The following CDS1 variants were observed in gnomAD, a reference collection of about 807,000 sequenced individuals.
CDS1 encodes the protein CDP-diacylglycerol synthase 1.
CDS1 carries 41 observed loss-of-function variants against 62.1 expected under a neutral mutation model. The observed-to-expected ratio is 0.66, with a 90% confidence interval of 0.51 to 0.86. CDS1 has a LOEUF of 0.86. Among genes scored for constraint, CDS1 ranks in the 40% least tolerant of loss-of-function variants. The probability of loss-of-function intolerance (pLI) is 0.00; values close to 1 mark genes in which losing one functional copy is unlikely to be tolerated. For synonymous variants in CDS1, 185 were observed against 192.6 expected, an observed-to-expected ratio of 0.96 and a Z score of 0.32; for missense variants, 470 against 550.1, an observed-to-expected ratio of 0.85 and a Z score of 1.46.
intron 1 of CDS1, among the ~76,000 whole-genome samples, chr4:84,590,590 A>T (rs1331685306): frequency 6.6e-6 from 1 of 152,186 alleles, no homozygotes; most frequent in Non-Finnish European, 1.5e-5. Context: ...CATCCTAAGG[A>T]AGAAGCTGAG....
At chr4:84,644,351 T>C (rs1167308482) in intron 11 of CDS1, among the ~76,000 whole-genome samples, 1 of 152,182 alleles carries the variant, frequency 6.6e-6, no homozygotes, top group Non-Finnish European at 1.5e-5. Context: ...TGTGGCTCTT[T>C]TATGCTTTGA....
At chr4:84,614,705 G>C (rs1042128047) in intron 3 of CDS1, among the ~76,000 whole-genome samples, 1 of 152,064 alleles carries the variant, frequency 6.6e-6, no homozygotes, top group African/African-American at 2.4e-5. Context: ...TCTATGCAAA[G>C]CATTTTATTT....
rs146624326 is a variant in CDS1, at chr4:84,611,377, A to G, written c.342+1852A>G. Among the ~76,000 whole-genome samples the G allele has an allele frequency of 5.3e-3, 812 of 151,794 alleles. 23 individuals are homozygous for G. Among genetic ancestry groups the G allele is most frequent in the Admixed American group, 0.041 (618 of 15,234 alleles). ...TAATCCAGGTTCTTCTTATGTACTCATCTCCTTCATCTCTGATTTCTCTTG... is the reference window on the plus strand; with the variant it reads ...TAATCCAGGTTCTTCTTATGTACTCGTCTCCTTCATCTCTGATTTCTCTTG... On this transcript the variant is annotated intron_variant, in intron 3 of 12. Transcript: ENST00000295887.
chr4:84,609,315 G>T, intron 2 of CDS1, 114 bp from the exon 3 acceptor site: 15 of 615,494 alleles, frequency 2.4e-5, no homozygotes, highest in Non-Finnish European at 4.3e-5. Flanking sequence ...TATATAAAGT[G>T]AAGTAGTAGA....
chr4:84,602,889 A>G (rs1722981145), intron 1 of CDS1, among the ~76,000 whole-genome samples: 1 of 151,596 alleles, frequency 6.6e-6, no homozygotes, highest in African/African-American at 2.4e-5. Flanking sequence ...TGACATTTCT[A>G]TTTCTCATTT....
Position 84,609,526 on chromosome 4 carries a change from G to T in CDS1, c.342+1G>T. On this transcript the variant is annotated splice_donor_variant, in intron 3 of 12. Coordinates refer to ENST00000295887, the MANE Select transcript of CDS1 (RefSeq NM_001263.4). LOFTEE classifies it high-confidence loss of function. ...GGGATCCTTCATGCTGATGCTTCTT[G>T]TAAGTTTTTGACTTTTCCCTGAGTG... The T allele has an allele frequency of 6.4e-7, 1 of 1,559,602 alleles. No homozygotes were observed. The highest frequency in any genetic ancestry group is 8.8e-7 in the Non-Finnish European group (1 of 1,132,176).
chr4:84,609,692 CT>C, intron 3 of CDS1, among the ~76,000 whole-genome samples, 167 bp downstream of exon 3: 1 of 152,138 alleles, frequency 6.6e-6, no homozygotes, highest in Non-Finnish European at 1.5e-5. Flanking sequence ...CTAACTTAAT[CT>C]TTTCTGTTTG....
intron 7 of CDS1, 29 bp downstream of exon 7, chr4:84,633,968 A>T (rs772172205): frequency 7.5e-7 from 1 of 1,334,180 alleles, no homozygotes; most frequent in Non-Finnish European, 1.1e-6. Context: ...GCTGCTTTAT[A>T]AGTATGTCAT....
intron 3 of CDS1, among the ~76,000 whole-genome samples, chr4:84,616,368 A>G (rs1443447038): frequency 6.6e-6 from 1 of 152,212 alleles, no homozygotes; most frequent in Non-Finnish European, 1.5e-5. Flanking sequence ...ACACGTAATC[A>G]GTATAATGGG....
At chr4:84,585,860 C>T (rs1032798438) in intron 1 of CDS1, among the ~76,000 whole-genome samples, 1 of 152,134 alleles carries the variant, frequency 6.6e-6, no homozygotes, top group South Asian at 2.1e-4. Flanking sequence ...CTTCAAGGAA[C>T]CCTGCAGGAG....
At chr4:84,643,790 TC>T (rs1332224826) in intron 11 of CDS1, among the ~76,000 whole-genome samples, 2 of 152,230 alleles carry the variant, frequency 1.3e-5, no homozygotes, top group Admixed American at 6.5e-5. Context: ...CCTAAAATTA[TC>T]CCTGTGTATT....
chr4:84,628,383 TTC>T (rs1723919940), intron 5 of CDS1, among the ~76,000 whole-genome samples: 1 of 152,214 alleles, frequency 6.6e-6, no homozygotes, highest in South Asian at 2.1e-4. Context: ...TGCATCTTGT[TTC>T]TGGCATATCG....
At chr4:84,634,076 A>AAACT (rs1359175767) in intron 7 of CDS1, 137 bp downstream of exon 7, 1 of 436,950 alleles carries the variant, frequency 2.3e-6, no homozygotes, top group Non-Finnish European at 4.0e-6. Flanking sequence ...TATCTTACTG[A>AAACT]GTTTTGCTTA....
At chr4:84,633,711 T>G in intron 6 of CDS1, 146 bp from the exon 7 acceptor site, 1 of 409,980 alleles carries the variant, frequency 2.4e-6, no homozygotes, top group South Asian at 1.0e-4. Flanking sequence ...CATAATTTAC[T>G]AACAGTGTTT....
intron 3 of CDS1, among the ~76,000 whole-genome samples, chr4:84,616,591 T>C (rs1723501787): frequency 6.6e-6 from 1 of 152,174 alleles, no homozygotes; most frequent in Non-Finnish European, 1.5e-5. Flanking sequence ...AATATAAAAA[T>C]CCATTCTTAG....
At chr4:84,599,030 A>G (rs2110041517) in intron 1 of CDS1, among the ~76,000 whole-genome samples, 1 of 152,324 alleles carries the variant, frequency 6.6e-6, no homozygotes, top group South Asian at 2.1e-4. Flanking sequence ...TTAAAGTGCT[A>G]TCTTAGCTCA....
chr4:84,601,933 GCATA>G (rs58079633), intron 1 of CDS1, among the ~76,000 whole-genome samples: 12 of 151,284 alleles, frequency 7.9e-5, no homozygotes, highest in East Asian at 2.0e-4. Context: ...ATACATACAT[GCATA>G]CATACATACA....
intron 1 of CDS1, among the ~76,000 whole-genome samples, 181 bp downstream of exon 1, chr4:84,583,699 C>A (rs939946936): frequency 6.6e-6 from 1 of 152,118 alleles, no homozygotes; most frequent in Admixed American, 6.5e-5. Flanking sequence ...CCCGGGATCC[C>A]AGTGGCGGTG....
Position 84,619,531 on chromosome 4 carries a change from C to T in CDS1, c.578C>T (p.Ala193Val). The T allele has an allele frequency of 6.4e-6, 10 of 1,572,834 alleles. No individual in the cohort carries two copies. Among genetic ancestry groups the T allele is most frequent in the Non-Finnish European group, 7.8e-6 (9 of 1,154,212 alleles). ...HRFISFALYLAGFCMFVLSLV... is the reference protein window; with the variant it reads ...HRFISFALYLVGFCMFVLSLV... ...TTTATATCATTTGCCCTCTATCTGGCAGGTAAGTTAAGGAATATTCTGTAT... is the reference window on the plus strand; with the variant it reads ...TTTATATCATTTGCCCTCTATCTGGTAGGTAAGTTAAGGAATATTCTGTAT... The change falls in exon 5 of 13, where the codon GCA becomes GTA. Residue 193 changes from alanine to valine, a missense_variant and splice_region_variant. By Grantham distance (64) the Ala-to-Val change is moderately conservative. Transcript: ENST00000295887.
Sources: gnomAD v4.1 joint callset for allele counts (sites outside exome capture counted in the v4.1 genomes callset) on GRCh38, gnomAD v4.1.1 for gene constraint, MANE v1.5 for transcripts, NCBI Gene and HGNC (gene_info 2026-07-23, HGNC 2026-07-21) for gene names.